The following FYB2 variants were observed in gnomAD, a reference collection of about 807,000 sequenced individuals.
The protein encoded by FYB2 is FYN-binding protein 2.
A neutral mutation model predicts 94.1 loss-of-function variants in FYB2; 103 were observed. That is an observed-to-expected ratio of 1.09 (90% CI 0.93 to 1.29). The LOEUF is 1.29. Among genes scored for constraint, FYB2 ranks in the 50% most tolerant of loss-of-function variants. The pLI, the probability that FYB2 is intolerant of heterozygous loss-of-function variation, is 0.00. For synonymous variants in FYB2, 293 were observed against 287.9 expected (o/e 1.02, Z -0.18); for missense variants, 896 against 841.5 (o/e 1.06, Z -0.80).
At chr1:56,802,841 T>A (rs1646553296) in intron 1 of FYB2, among the ~76,000 whole-genome samples, 2 of 152,190 alleles carry the variant, frequency 1.3e-5, no homozygotes, top group Non-Finnish European at 2.9e-5. Context: ...TTTCTGTCCA[T>A]CCATCACCAA....
chr1:56,753,898 G>A lies in FYB2; in HGVS notation c.1168C>T (p.Pro390Ser), dbSNP rs1473499331. The change falls in exon 8 of 20, where the codon CCA (proline) becomes TCA (serine). Residue 390 changes from proline to serine, a missense_variant. By Grantham distance (74) the Pro-to-Ser change is moderately conservative. Transcript: ENST00000343433. ...HEDKKMKEKQ[P>S]CELKPKNTEK... ...GTGTTTTTAGGTTTCAATTCACATG[G>A]TTGTTTTTCCTTCATTTTTTTATCT... 1 of 1,611,354 alleles carries A rather than the reference G, an allele frequency of 6.2e-7. No homozygotes were observed. The highest frequency in any genetic ancestry group is 8.5e-7 in the Non-Finnish European group (1 of 1,178,112).
intron 19 of FYB2, 118 bp downstream of exon 19, chr1:56,719,904 G>T: frequency 8.6e-7 from 1 of 1,160,970 alleles, no homozygotes; most frequent in Non-Finnish European, 1.2e-6. Flanking sequence ...GGCACTGCAT[G>T]TCTAATTTTT....
intron 1 of FYB2, among the ~76,000 whole-genome samples, chr1:56,795,225 A>G (rs1646367920): frequency 6.6e-6 from 1 of 152,102 alleles, no homozygotes; most frequent in Non-Finnish European, 1.5e-5. Flanking sequence ...GAGGAATCAT[A>G]GAGTATTTGT....
intron 4 of FYB2, among the ~76,000 whole-genome samples, chr1:56,781,031 G>C (rs1036448936): frequency 2.7e-4 from 41 of 152,148 alleles, no homozygotes; most frequent in Admixed American, 2.0e-4. Flanking sequence ...CCACAAGGAG[G>C]CTGTTTTGTT....
chr1:56,736,424 C>CTTT (rs59242700), intron 15 of FYB2, among the ~76,000 whole-genome samples: 44,675 of 119,410 alleles, frequency 0.37, 8,585 homozygotes, highest in South Asian at 0.47. Flanking sequence ...TTAAGGATGG[C>CTTT]TTTTTTTTTT....
chr1:56,784,318 C>T (rs1476093653), intron 4 of FYB2, among the ~76,000 whole-genome samples: 1 of 152,106 alleles, frequency 6.6e-6, no homozygotes, highest in African/African-American at 2.4e-5. Context: ...GATCAAAACC[C>T]AGGCTTTCAT....
intron 14 of FYB2, chr1:56,737,418 G>T: frequency 3.7e-6 from 1 of 267,812 alleles, no homozygotes; most frequent in Non-Finnish European, 6.8e-6. Context: ...TTTACATAGA[G>T]TTCCAGAAAA....
At chr1:56,821,942 C>T (rs546594823), upstream of FYB2, among the ~76,000 whole-genome samples, 9 of 152,300 alleles carry the variant, frequency 5.9e-5, no homozygotes, top group African/African-American at 1.7e-4. Context: ...GATATCACTA[C>T]ACCTTATGAA....
intron 9 of FYB2, among the ~76,000 whole-genome samples, chr1:56,744,640 C>T (rs1217679599): frequency 1.3e-5 from 2 of 151,968 alleles, no homozygotes; most frequent in African/African-American, 4.8e-5. Context: ...TATCTCTCTA[C>T]ATCTAGATGA....
intron 15 of FYB2, among the ~76,000 whole-genome samples, chr1:56,736,658 C>T (rs1644837684): frequency 6.6e-6 from 1 of 152,124 alleles, no homozygotes; most frequent in South Asian, 2.1e-4. Context: ...TCAGGCAATC[C>T]ACCTACCTCT....
chr1:56,785,724 G>T (rs1034771736), intron 4 of FYB2, among the ~76,000 whole-genome samples: 1 of 152,100 alleles, frequency 6.6e-6, no homozygotes, highest in Non-Finnish European at 1.5e-5. Context: ...AATTAAACAT[G>T]TTGCTTCACA....
chr1:56,766,460 G>A (rs1398115199), intron 5 of FYB2, among the ~76,000 whole-genome samples: 2 of 151,412 alleles, frequency 1.3e-5, no homozygotes, highest in African/African-American at 4.9e-5. Flanking sequence ...TTGAGACGGA[G>A]TCTCGCTCTG....
At chr1:56,825,617 C>G in the FYB2 span, among the ~76,000 whole-genome samples, 2 of 152,122 alleles carry the variant, frequency 1.3e-5, no homozygotes, top group Non-Finnish European at 2.9e-5. Flanking sequence ...CATATGAGTA[C>G]TCATACCCTC....
At chr1:56,757,643 T>C (rs969840872) in intron 6 of FYB2, among the ~76,000 whole-genome samples, 3 of 151,432 alleles carry the variant, frequency 2.0e-5, no homozygotes, top group Non-Finnish European at 4.4e-5. Flanking sequence ...TCTTTTCTTT[T>C]CCTTTCTTTC....
intron 5 of FYB2, among the ~76,000 whole-genome samples, chr1:56,766,618 T>C (rs1645629499): frequency 6.6e-6 from 1 of 152,084 alleles, no homozygotes; most frequent in South Asian, 2.1e-4. Context: ...TTTGTATTTT[T>C]AGTAGAGACG....
intron 17 of FYB2, among the ~76,000 whole-genome samples, chr1:56,721,590 A>G (rs1644486519): frequency 7.2e-6 from 1 of 138,384 alleles, no homozygotes; most frequent in Admixed American, 6.9e-5. Context: ...AAAGTTCTAA[A>G]AACTCCTTAT....
At chr1:56,723,719 A>C in intron 16 of FYB2, 38 bp from the exon 17 acceptor site, 1 of 1,232,248 alleles carries the variant, frequency 8.1e-7, no homozygotes, top group Non-Finnish European at 1.2e-6. Context: ...AACGTACTAT[A>C]ATAAAACTTT....
chr1:56,812,362 C>T (rs576792204), intron 1 of FYB2, among the ~76,000 whole-genome samples: 63 of 152,144 alleles, frequency 4.1e-4, no homozygotes, highest in African/African-American at 1.4e-3. Flanking sequence ...ACCAAACTAA[C>T]GGTTAGGAAT....
intron 1 of FYB2, among the ~76,000 whole-genome samples, chr1:56,794,858 C>G (rs778161369): frequency 2.6e-5 from 4 of 152,074 alleles, no homozygotes; most frequent in Admixed American, 6.5e-5. Context: ...CTTTGTTGAG[C>G]CTTATTTTCC....
Sources: allele counts gnomAD v4.1 joint callset (sites outside exome capture counted in the v4.1 genomes callset), GRCh38; gene constraint gnomAD v4.1.1; transcripts MANE v1.5; gene names NCBI Gene and HGNC (gene_info 2026-07-23, HGNC 2026-07-21).